The following WDFY4 variants were observed in gnomAD, a reference collection of about 807,000 sequenced individuals.
The protein encoded by WDFY4 is WD repeat- and FYVE domain-containing protein 4.
A neutral mutation model predicts 351.9 loss-of-function variants in WDFY4; 169 were observed. The observed-to-expected ratio is 0.48, with a 90% CI of 0.42 to 0.55. WDFY4 has a LOEUF of 0.55. WDFY4 is among the 20% of genes least tolerant of loss of function. The probability of loss-of-function intolerance (pLI) is 0.00; values close to 1 mark genes in which losing one functional copy is unlikely to be tolerated. For missense variants in WDFY4, 3,803 were observed against 3,935.6 expected (o/e 0.97, Z 0.90); for synonymous variants, 1,622 against 1,574.6 (o/e 1.03, Z -0.71).
At chr10:48,710,151 T>C (rs2063732407) in intron 2 of WDFY4, among the ~76,000 whole-genome samples, 185 bp downstream of exon 2, 2 of 152,214 alleles carry the variant, frequency 1.3e-5, no homozygotes, top group African/African-American at 4.8e-5. Context: ...GTAGCTTAGA[T>C]GCAACAGACT....
At chr10:48,711,186 C>T (rs925781828) in intron 2 of WDFY4, among the ~76,000 whole-genome samples, 5 of 152,118 alleles carry the variant, frequency 3.3e-5, no homozygotes, top group Admixed American at 1.3e-4. Context: ...GTTGGGAACA[C>T]GTTTATAGGA....
intron 8 of WDFY4, 86 bp from the exon 9 acceptor site, chr10:48,731,024 G>A (rs2064441393): frequency 1.5e-6 from 2 of 1,374,428 alleles, no homozygotes; most frequent in Admixed American, 5.5e-5. Context: ...ACTTCAAATG[G>A]CATGCCCTCT....
At chr10:48,846,634 G>A (rs527952816) in intron 39 of WDFY4, among the ~76,000 whole-genome samples, 8 of 152,246 alleles carry the variant, frequency 5.3e-5, no homozygotes, top group African/African-American at 1.4e-4. Flanking sequence ...CTAAAGGAGG[G>A]AGAAATGTTG....
intron 35 of WDFY4, among the ~76,000 whole-genome samples, chr10:48,826,437 T>A (rs1431504979): frequency 3.3e-5 from 5 of 152,208 alleles, no homozygotes; most frequent in Non-Finnish European, 1.5e-5. Context: ...CTTTGGATTG[T>A]CTTGGCTATA....
At chr10:48,817,917 T>C (rs978756356) in intron 32 of WDFY4, among the ~76,000 whole-genome samples, 1 of 152,216 alleles carries the variant, frequency 6.6e-6, no homozygotes, top group Non-Finnish European at 1.5e-5. Flanking sequence ...GAGCCTGATT[T>C]AAGGATGAGG....
At chr10:48,783,693 A>G (rs2066301514) in intron 19 of WDFY4, among the ~76,000 whole-genome samples, 1 of 152,206 alleles carries the variant, frequency 6.6e-6, no homozygotes, top group Non-Finnish European at 1.5e-5. Context: ...GCCTCGAAGT[A>G]TAGAAAATCT....
At chr10:48,908,325 A>G (rs1006139015) in intron 47 of WDFY4, among the ~76,000 whole-genome samples, 6 of 152,236 alleles carry the variant, frequency 3.9e-5, no homozygotes, top group Admixed American at 1.3e-4. Context: ...GGTTTCTGCC[A>G]TCCTAGTTGC....
At chr10:48,706,780 C>A (rs2063642363) in intron 1 of WDFY4, among the ~76,000 whole-genome samples, 1 of 152,116 alleles carries the variant, frequency 6.6e-6, no homozygotes, top group African/African-American at 2.4e-5. Flanking sequence ...AAGACTTAGA[C>A]ATGAGGATTG....
intron 39 of WDFY4, among the ~76,000 whole-genome samples, chr10:48,848,452 TAAAC>T (rs1255833980): frequency 6.6e-6 from 1 of 152,216 alleles, no homozygotes; most frequent in African/African-American, 2.4e-5. Context: ...CAGATGGACT[TAAAC>T]AAGGGGTGGG....
intron 40 of WDFY4, among the ~76,000 whole-genome samples, chr10:48,869,775 G>T (rs2069692025): frequency 6.6e-6 from 1 of 152,064 alleles, no homozygotes; most frequent in South Asian, 2.1e-4. Context: ...GGAGTTCTTT[G>T]TGAGATGCCT....
chr10:48,735,075 G>C (rs535779810), intron 10 of WDFY4, among the ~76,000 whole-genome samples: 37 of 151,590 alleles, frequency 2.4e-4, no homozygotes, highest in Non-Finnish European at 5.3e-4. Flanking sequence ...ACAGGCGTGA[G>C]CCACCACGCC....
In WDFY4 at chr10:48,723,498, C is replaced by T; in HGVS notation, c.522C>T (p.Phe174=). 1.3e-6 allele frequency: 2 copies of T among 1,551,574 alleles called. No individual in the cohort carries two copies. The highest frequency in any genetic ancestry group is 1.7e-6 in the Non-Finnish European group (2 of 1,147,036). ...TGCTCCTACAGTGCCTTTACCTCTT[C>T]TTTGTCTTTCCTCTGGACAAAGATG... The part of the protein sequence containing the change: ...PALLLQCLYL[F]FVFPLDKDEL... Residue 174 remains phenylalanine, a synonymous_variant, in exon 5 of 62, where the codon TTC becomes TTT. Transcript: ENST00000325239.
At chr10:48,737,449 C>T (rs949757176) in intron 11 of WDFY4, among the ~76,000 whole-genome samples, 4 of 152,180 alleles carry the variant, frequency 2.6e-5, no homozygotes, top group Non-Finnish European at 5.9e-5. Flanking sequence ...ACCTTTTTAA[C>T]ATTTAGAGAA....
At position 48,727,671 on chromosome 10, in the gene WDFY4, T is replaced by A. The variant is rs1301375139; in HGVS notation, c.971+12T>A. 2.6e-6 allele frequency: 4 copies of A among 1,551,696 alleles called. No individual in the cohort carries two copies. In the East Asian group the frequency reaches 9.8e-5, roughly 38 times the overall value. ...AAAGTGTTACTTCGGTAAGTGGCTGTGTTTGGTACGGGGAGAGCACAGGAC... is the reference window on the plus strand; with the variant it reads ...AAAGTGTTACTTCGGTAAGTGGCTGAGTTTGGTACGGGGAGAGCACAGGAC... On this transcript the variant is annotated intron_variant, in intron 7 of 61. Coordinates refer to ENST00000325239, the MANE Select transcript of WDFY4 (RefSeq NM_001394531.1).
Position 48,804,296 on chromosome 10 carries a change from T to C in WDFY4, c.4484+937T>C, listed in dbSNP as rs184804811. ...TCATCCACTTAATGAACATCTATTA[T>C]AAACTTACTACATTTCGCACCCTGT... On this transcript the variant is annotated intron_variant, in intron 25 of 61. Transcript: ENST00000325239. 2.0e-3 allele frequency among the ~76,000 whole-genome samples: 298 copies of C among 152,296 alleles called. 1 individual carries two copies. The highest frequency in any genetic ancestry group is 6.9e-3 in the African/African-American group (287 of 41,556).
intron 39 of WDFY4, among the ~76,000 whole-genome samples, chr10:48,856,408 A>G (rs960345503): frequency 6.6e-6 from 1 of 152,144 alleles, no homozygotes; most frequent in Non-Finnish European, 1.5e-5. Context: ...TGAAGAGACT[A>G]TTAAAATACT....
chr10:48,784,048 A>G, intron 19 of WDFY4, among the ~76,000 whole-genome samples: 1 of 152,318 alleles, frequency 6.6e-6, no homozygotes, highest in East Asian at 1.9e-4. Flanking sequence ...TCTGAGTAGT[A>G]TTTCAAGGTA....
intron 39 of WDFY4, among the ~76,000 whole-genome samples, chr10:48,853,047 C>T (rs146043247): frequency 2.0e-3 from 307 of 152,290 alleles, no homozygotes; most frequent in African/African-American, 6.8e-3. Flanking sequence ...CCTCATCTCA[C>T]CGGGCTTCTC....
intron 37 of WDFY4, among the ~76,000 whole-genome samples, chr10:48,830,386 G>C (rs1209390628): frequency 2.0e-5 from 3 of 152,132 alleles, no homozygotes; most frequent in South Asian, 2.1e-4. Context: ...CAGAATTATG[G>C]GGTGGAGAGT....
Sources: gnomAD v4.1 joint callset for allele counts (sites outside exome capture counted in the v4.1 genomes callset) on GRCh38, gnomAD v4.1.1 for gene constraint, MANE v1.5 for transcripts, NCBI Gene and HGNC (gene_info 2026-07-23, HGNC 2026-07-21) for gene names.